The following NAV2 variants were observed in gnomAD, a reference collection of about 807,000 sequenced individuals.
The protein encoded by NAV2 is helicase, APC down-regulated 1.
NAV2 carries 54 observed loss-of-function variants against 223.2 expected under a neutral mutation model. The observed-to-expected ratio is 0.24, with a 90% confidence interval of 0.19 to 0.30. NAV2 has a LOEUF of 0.30. Ranked by LOEUF, NAV2 falls within the 10% of genes least tolerant of loss-of-function variation. NAV2 has a pLI of 1.00. For missense variants in NAV2, 2,806 were observed against 3,147.5 expected, an observed-to-expected ratio of 0.89 and a Z score of 2.60; for synonymous variants, 1,279 against 1,239.3, an observed-to-expected ratio of 1.03 and a Z score of -0.67.
chr11:19,414,186 A>G (rs1197535386), intron 1 of NAV2, among the ~76,000 whole-genome samples: 1 of 152,242 alleles, frequency 6.6e-6, no homozygotes, highest in Admixed American at 6.5e-5. Flanking sequence ...TCACATACAA[A>G]GAAACACATA....
chr11:19,746,895 T>C (rs1396336014), intron 1 of NAV2, among the ~76,000 whole-genome samples: 1 of 152,194 alleles, frequency 6.6e-6, no homozygotes, highest in African/African-American at 2.4e-5. Context: ...CTTTTTTTAA[T>C]TTTATTATTA....
intron 1 of NAV2, among the ~76,000 whole-genome samples, chr11:19,689,968 T>C (rs2049122020): frequency 6.6e-6 from 1 of 152,190 alleles, no homozygotes; most frequent in African/African-American, 2.4e-5. Context: ...ACATCTATTT[T>C]ATTTTACTTT....
chr11:19,587,475 AG>A (rs755605237), intron 1 of NAV2, among the ~76,000 whole-genome samples: 2 of 152,182 alleles, frequency 1.3e-5, no homozygotes, highest in African/African-American at 2.4e-5. Flanking sequence ...CGCTCATGCT[AG>A]GAACTGTAGA....
intron 1 of NAV2, among the ~76,000 whole-genome samples, chr11:19,351,995 G>GTGTT (rs1326371954): frequency 6.6e-5 from 10 of 151,758 alleles, no homozygotes; most frequent in African/African-American, 2.2e-4. Flanking sequence ...GTGTGTGTGT[G>GTGTT]TGTGTGTGTG....
chr11:20,097,101 C>T (rs2061329838), intron 30 of NAV2, among the ~76,000 whole-genome samples: 1 of 152,204 alleles, frequency 6.6e-6, no homozygotes, highest in Non-Finnish European at 1.5e-5. Context: ...CACACGTTTT[C>T]CTTCTCAAAG....
intron 11 of NAV2, among the ~76,000 whole-genome samples, chr11:19,985,626 G>GA (rs1260898061): frequency 6.6e-6 from 1 of 151,988 alleles, no homozygotes; most frequent in Non-Finnish European, 1.5e-5. Flanking sequence ...ACCCAGGCTG[G>GA]AGTGCAGTGG....
At chr11:19,367,472 T>C (rs750635859) in intron 1 of NAV2, among the ~76,000 whole-genome samples, 24 of 152,212 alleles carry the variant, frequency 1.6e-4, no homozygotes, top group Non-Finnish European at 2.5e-4. Context: ...TCTGGGACAT[T>C]GTAGGTACTC....
At chr11:20,056,540 G>A in intron 19 of NAV2, 1 of 1,611,472 alleles carries the variant, frequency 6.2e-7, no homozygotes, top group Non-Finnish European at 8.5e-7. Context: ...AATCATGGGA[G>A]AAAAGTTCTG....
chr11:20,032,031 G>C (rs192073028), intron 11 of NAV2, among the ~76,000 whole-genome samples: 1 of 152,132 alleles, frequency 6.6e-6, no homozygotes, highest in Non-Finnish European at 1.5e-5. Flanking sequence ...TTTGTACCCT[G>C]AATGGGAAAA....
At chr11:19,781,093 T>G (rs1015733190) in intron 1 of NAV2, among the ~76,000 whole-genome samples, 6 of 152,224 alleles carry the variant, frequency 3.9e-5, no homozygotes, top group Admixed American at 1.3e-4. Flanking sequence ...AAATAAAAAC[T>G]ATTATTATCT....
chr11:19,975,739 G>A (rs951225065), intron 10 of NAV2, among the ~76,000 whole-genome samples: 1 of 152,184 alleles, frequency 6.6e-6, no homozygotes, highest in African/African-American at 2.4e-5. Flanking sequence ...AAACAGACAA[G>A]TCTTGCAATG....
At chr11:19,438,039 T>C (rs1851272387) in intron 1 of NAV2, among the ~76,000 whole-genome samples, 1 of 152,210 alleles carries the variant, frequency 6.6e-6, no homozygotes, top group South Asian at 2.1e-4. Flanking sequence ...GGGGCTAGGT[T>C]CCAAGCCGCC....
At chr11:19,739,422 A>T (rs1198582205) in intron 1 of NAV2, among the ~76,000 whole-genome samples, 3 of 152,230 alleles carry the variant, frequency 2.0e-5, no homozygotes, top group African/African-American at 4.8e-5. Context: ...AGGAAATGAC[A>T]GAGCAGAGAT....
At chr11:19,943,918 C>A (rs1206579479) in intron 8 of NAV2, among the ~76,000 whole-genome samples, 1 of 148,596 alleles carries the variant, frequency 6.7e-6, no homozygotes, top group Non-Finnish European at 1.5e-5. Flanking sequence ...CGGAACTAGG[C>A]CGTGTGTGGT....
intron 11 of NAV2, among the ~76,000 whole-genome samples, chr11:20,023,819 G>A (rs1229964739): frequency 1.3e-5 from 2 of 151,790 alleles, no homozygotes; most frequent in Non-Finnish European, 2.9e-5. Flanking sequence ...AGCTGCCCAG[G>A]GAAGCACATT....
At chr11:19,557,070 A>T (rs1445187717) in intron 1 of NAV2, among the ~76,000 whole-genome samples, 1 of 152,252 alleles carries the variant, frequency 6.6e-6, no homozygotes, top group Non-Finnish European at 1.5e-5. Context: ...TAACCAAGGA[A>T]TTTTAAAATT....
intron 1 of NAV2, among the ~76,000 whole-genome samples, chr11:19,410,829 G>A (rs1850114063): frequency 6.6e-6 from 1 of 152,182 alleles, no homozygotes; most frequent in African/African-American, 2.4e-5. Flanking sequence ...TCAAGGCTCA[G>A]CTTGGGTTCC....
chr11:19,598,015 T>C (rs1409553783), intron 1 of NAV2, among the ~76,000 whole-genome samples: 1 of 152,258 alleles, frequency 6.6e-6, no homozygotes, highest in Non-Finnish European at 1.5e-5. Context: ...CCTCCAGTTA[T>C]GACCCATGCC....
chr11:19,725,219 G>T (rs975704472), intron 1 of NAV2, among the ~76,000 whole-genome samples: 1 of 152,216 alleles, frequency 6.6e-6, no homozygotes, highest in Admixed American at 6.5e-5. Flanking sequence ...TAAAGCATAA[G>T]CAACTTGCCC....
Sources: gnomAD v4.1 joint callset for allele counts (sites outside exome capture counted in the v4.1 genomes callset) on GRCh38, gnomAD v4.1.1 for gene constraint, MANE v1.5 for transcripts, NCBI Gene and HGNC (gene_info 2026-07-23, HGNC 2026-07-21) for gene names.